Variants in SLC8A1 observed in about 807,000 individuals in gnomAD.
The protein encoded by SLC8A1 is sodium/calcium exchanger 1.
A neutral mutation model predicts 68.3 loss-of-function variants in SLC8A1; 18 were observed. The ratio of observed to expected loss-of-function variants is 0.26; its 90% CI spans 0.18 to 0.39. SLC8A1 has a LOEUF of 0.39. Among genes scored for constraint, SLC8A1 ranks in the 10% least tolerant of loss-of-function variants. The pLI is 1.00. For synonymous variants in SLC8A1, 475 were observed against 415.5 expected (o/e 1.14, Z -1.74); for missense variants, 985 against 1,156.7 (o/e 0.85, Z 2.15).
At chr2:40,413,317 G>A (rs1303309986) in intron 2 of SLC8A1, among the ~76,000 whole-genome samples, 7 of 152,010 alleles carry the variant, frequency 4.6e-5, no homozygotes, top group African/African-American at 2.4e-5. Context: ...GTTTATTGCG[G>A]CACTATTCAC....
At position 40,408,603 on chromosome 2, in the gene SLC8A1, G is replaced by C. The variant is rs59064313; in HGVS notation, c.1808+19870C>G. Among the ~76,000 whole-genome samples, 10 of 152,304 alleles carry C rather than the reference G, an allele frequency of 6.6e-5. No homozygotes were observed. In the East Asian group the frequency reaches 1.9e-3, roughly 29 times the overall value. On this transcript the variant is annotated intron_variant, in intron 2 of 7. Coordinates refer to ENST00000406785, the Ensembl canonical transcript of SLC8A1. ...CTTTGGAAAAATAAGAGAGTAACAA[G>C]TAGGTGGCCCAACTGTGGGAATTGA...
chr2:40,307,351 A>G (rs776545136), intron 2 of SLC8A1, among the ~76,000 whole-genome samples: 2 of 152,222 alleles, frequency 1.3e-5, no homozygotes, highest in South Asian at 2.1e-4. Flanking sequence ...TAAAATTAAT[A>G]GAAAGCAAAA....
At chr2:40,266,659 T>C (rs2065391596) in intron 2 of SLC8A1, among the ~76,000 whole-genome samples, 1 of 152,214 alleles carries the variant, frequency 6.6e-6, no homozygotes, top group Admixed American at 6.5e-5. Flanking sequence ...CACTCCATAC[T>C]GGAGACCACT....
chr2:40,400,243 G>A (rs992819031), intron 2 of SLC8A1, among the ~76,000 whole-genome samples: 1 of 152,100 alleles, frequency 6.6e-6, no homozygotes, highest in Non-Finnish European at 1.5e-5. Flanking sequence ...GAGGAGTTTT[G>A]TCTGCGGCTT....
At chr2:40,489,124 G>T (rs1165077073) in intron 1 of SLC8A1, among the ~76,000 whole-genome samples, 1 of 152,118 alleles carries the variant, frequency 6.6e-6, no homozygotes, top group Non-Finnish European at 1.5e-5. Flanking sequence ...CAAGGAGGCT[G>T]TCTGAGTTTC....
At chr2:40,111,130 A>T (rs1389847590) in exon 8 of SLC8A1, 1 of 152,186 alleles carries the variant, frequency 6.6e-6, no homozygotes, top group Non-Finnish European at 1.5e-5. Flanking sequence ...ACAAAAAATT[A>T]GTGCTATTAG....
chr2:40,134,504 C>T (rs2040112241), intron 7 of SLC8A1, among the ~76,000 whole-genome samples: 2 of 152,130 alleles, frequency 1.3e-5, no homozygotes, highest in Admixed American at 1.3e-4. Context: ...CATCACAGTT[C>T]CCACCATAGC....
At chr2:40,285,339 A>C (rs2068140569) in intron 2 of SLC8A1, among the ~76,000 whole-genome samples, 1 of 152,096 alleles carries the variant, frequency 6.6e-6, no homozygotes, top group Non-Finnish European at 1.5e-5. Flanking sequence ...GGACAGACCC[A>C]TGCTTTCAGT....
chr2:40,312,991 A>G (rs565224997), intron 2 of SLC8A1, among the ~76,000 whole-genome samples: 1 of 152,198 alleles, frequency 6.6e-6, no homozygotes, highest in East Asian at 1.9e-4. Context: ...ATATGTATAC[A>G]TATGCTGCAT....
chr2:40,118,161 A>T (rs1046345480), intron 7 of SLC8A1, among the ~76,000 whole-genome samples: 47 of 152,204 alleles, frequency 3.1e-4, no homozygotes, highest in African/African-American at 1.0e-3. Flanking sequence ...CTCTTTCATG[A>T]TATGAGAAAC....
chr2:40,310,036 T>A (rs1414029763), intron 2 of SLC8A1, among the ~76,000 whole-genome samples: 1 of 152,218 alleles, frequency 6.6e-6, no homozygotes, highest in Non-Finnish European at 1.5e-5. Context: ...TCTGATTATT[T>A]CATATAAATG....
At chr2:40,288,834 C>CATATATATATATATATATGTAT (rs1553476813) in intron 2 of SLC8A1, among the ~76,000 whole-genome samples, 11 of 132,684 alleles carry the variant, frequency 8.3e-5, no homozygotes, top group African/African-American at 3.7e-4. Context: ...ACTAAGTAAT[C>CATATATATATATATATATGTAT]ATATATATAT....
At chr2:40,254,404 G>GTTTTTT (rs3217134) in intron 2 of SLC8A1, 1 of 123,824 alleles carries the variant, frequency 8.1e-6, no homozygotes, top group African/African-American at 3.6e-5. Flanking sequence ...ATGCTTTTTT[G>GTTTTTT]TTTTTTTTTT....
chr2:40,428,921 C>T (rs992543976), exon 2 of SLC8A1: 12 of 1,613,706 alleles, frequency 7.4e-6, no homozygotes, highest in Non-Finnish European at 8.5e-7. Context: ...TAATCAGACC[C>T]AGCATTTGCT....
intron 1 of SLC8A1, among the ~76,000 whole-genome samples, chr2:40,437,277 A>G (rs1699614675): frequency 6.6e-6 from 1 of 152,170 alleles, no homozygotes; most frequent in Non-Finnish European, 1.5e-5. Context: ...TTAACCTGCC[A>G]TGCTGCCCCT....
chr2:40,202,290 A>T (rs1033808254), intron 2 of SLC8A1, among the ~76,000 whole-genome samples: 1 of 151,946 alleles, frequency 6.6e-6, no homozygotes, highest in African/African-American at 2.4e-5. Context: ...ATCTTGCTCA[A>T]TCCTTTTAGA....
Position 40,166,273 on chromosome 2 carries a change from GT to G in SLC8A1, c.1931-1290del, listed in dbSNP as rs141138692. On this transcript the variant is annotated intron_variant, in intron 4 of 7. Transcript: ENST00000406785. ...TGAATGGTTCCTAGGCTAGCTGCTC[GT>G]TGTGAGGGCAGGGAGTGAATGAGCT... Among the ~76,000 whole-genome samples the G allele has an allele frequency of 9.8e-3, 1,491 of 152,254 alleles. 31 individuals are homozygous for G. Among genetic ancestry groups the G allele is most frequent in the African/African-American group, 0.034 (1,400 of 41,520 alleles).
intron 2 of SLC8A1, among the ~76,000 whole-genome samples, chr2:40,286,573 A>G (rs903667276): frequency 1.3e-5 from 2 of 152,192 alleles, no homozygotes; most frequent in Non-Finnish European, 2.9e-5. Context: ...GGTCTGTAAG[A>G]TAGGAAGTTT....
intron 2 of SLC8A1, among the ~76,000 whole-genome samples, chr2:40,218,821 T>G (rs1383826946): frequency 6.6e-6 from 1 of 152,188 alleles, no homozygotes; most frequent in Non-Finnish European, 1.5e-5. Context: ...TATCGTTGGA[T>G]GAAAAATGCT....
Sources: gnomAD v4.1 joint callset for allele counts (sites outside exome capture counted in the v4.1 genomes callset) on GRCh38, gnomAD v4.1.1 for gene constraint, MANE v1.5 for transcripts, NCBI Gene and HGNC (gene_info 2026-07-23, HGNC 2026-07-21) for gene names.